Variants in FN3KRP observed in about 807,000 individuals in gnomAD.
The protein encoded by FN3KRP is fructosamine 3 kinase related protein.
In FN3KRP, 33 loss-of-function variants were observed where a neutral mutation model predicts 29.8. The ratio of observed to expected loss-of-function variants is 1.11; its 90% confidence interval spans 0.84 to 1.48. The LOEUF is 1.48. Among genes scored for constraint, FN3KRP ranks in the 40% most tolerant of loss-of-function variants. FN3KRP has a pLI of 0.00. For missense variants in FN3KRP, 430 were observed against 402.6 expected, an observed-to-expected ratio of 1.07 and a Z score of -0.58; for synonymous variants, 157 against 155.2, an observed-to-expected ratio of 1.01 and a Z score of -0.09.
chr17:82,718,359 G>A (rs765421616), intron 1 of FN3KRP: 7 of 971,698 alleles, frequency 7.2e-6, no homozygotes, highest in Non-Finnish European at 8.6e-6. Flanking sequence ...TGTGGTCCCG[G>A]GGAGTTGGAT....
Position 82,720,337 on chromosome 17 carries a change from T to TG in FN3KRP, c.360dup (p.Arg121AlafsTer26). The TG allele has an allele frequency of 6.2e-7, 1 of 1,613,816 alleles. No homozygotes were observed. The highest frequency in any genetic ancestry group is 8.5e-7 in the Non-Finnish European group (1 of 1,179,970). On this transcript the variant is annotated frameshift_variant, in exon 3 of 6. Coordinates refer to ENST00000269373, the MANE Select transcript of FN3KRP (RefSeq NM_024619.4). LOFTEE classifies it high-confidence loss of function. ...CTTGATAACAAGAAGCTTGGAGAGA[T>TG]GCGCCTGAAGGAGGCGGGCACAGTG...
In FN3KRP at chr17:82,727,967, A is replaced by G. The variant is rs1485143561; in HGVS notation, c.*796A>G. 6.6e-6 allele frequency: 1 copy of G among 152,244 alleles called. No individual in the cohort carries two copies. The highest frequency in any genetic ancestry group is 2.4e-5 in the African/African-American group (1 of 41,468). The allele number at this position is 152,244 out of a possible 1,614,324, so 9.4% of individuals were successfully genotyped here. A position where few individuals can be genotyped will look rare whatever the true frequency, so the allele number is the denominator to read the frequency against. On this transcript the variant is annotated 3_prime_UTR_variant, in exon 6 of 6. Transcript: ENST00000269373. ...TTTCATGAATGGCATTGATGCTAAT[A>G]AATCCTTTGCACAAAAATTTGAATA... is the stretch of plus-strand genomic sequence containing the variant.
chr17:82,726,528 A>G lies in FN3KRP; in HGVS notation c.517A>G (p.Ile173Val), dbSNP rs1833191709. 3 of 1,614,042 alleles carry G rather than the reference A, an allele frequency of 1.9e-6. No individual in the cohort carries two copies. The highest frequency in any genetic ancestry group is 2.2e-5 in the East Asian group (1 of 44,888). Residue 173 changes from isoleucine (I) to valine (V), a missense_variant, in exon 5 of 6, where the codon ATT (isoleucine) becomes GTT (valine). Transcript: ENST00000269373. The stretch of plus-strand genomic sequence containing the variant: ...GGTCGTGTTCTATGCCCGGCAGCGC[A>G]TTCAGCCCCAGATGGACATGGTGGA... ...DWVVFYARQRIQPQMDMVEKE... is the reference protein window; with the variant it reads ...DWVVFYARQRVQPQMDMVEKE...
chr17:82,718,449 A>G, intron 1 of FN3KRP: 1 of 988,630 alleles, frequency 1.0e-6, no homozygotes, highest in African/African-American at 1.7e-5. Context: ...TTCAGGTGAA[A>G]AGTGACCCCA....
chr17:82,725,320 A>G (rs2046829407), intron 4 of FN3KRP, among the ~76,000 whole-genome samples: 1 of 151,786 alleles, frequency 6.6e-6, no homozygotes, highest in South Asian at 2.1e-4. Context: ...TTGTAGAGAC[A>G]GGGGTCTCAC....
intron 1 of FN3KRP, chr17:82,718,315 G>A: frequency 1.9e-6 from 1 of 518,348 alleles, no homozygotes; most frequent in African/African-American, 8.8e-5. Context: ...TCACTGCTGT[G>A]TGGTGAGCCA....
chr17:82,720,483 C>G, intron 3 of FN3KRP, 120 bp downstream of exon 3: 1 of 684,926 alleles, frequency 1.5e-6, no homozygotes, highest in Non-Finnish European at 2.4e-6. Context: ...GATGGCAGAG[C>G]AAGGGAATGT....
intron 3 of FN3KRP, among the ~76,000 whole-genome samples, chr17:82,720,565 T>C (rs2046791865): frequency 6.6e-6 from 1 of 152,156 alleles, no homozygotes; most frequent in Non-Finnish European, 1.5e-5. Flanking sequence ...CTAAATGCAT[T>C]TGAAAGATGA....
chr17:82,718,410 C>A (rs1324145592), intron 1 of FN3KRP: 7 of 987,508 alleles, frequency 7.1e-6, no homozygotes, highest in Non-Finnish European at 8.4e-6. Flanking sequence ...CAGTGCTGGG[C>A]AGGAGGTGGC....
rs765305815 is a variant in FN3KRP, at chr17:82,716,816, G to A, written c.61G>A (p.Gly21Arg). ...CSSVRATGHS[G>R]GGCISQGRSY... ...CTCTGTCAGGGCCACGGGCCACTCG[G>A]GGGGCGGGTGCATCAGCCAGGGCCG... Residue 21 changes from glycine to arginine, a missense_variant, in exon 1 of 6, where the codon GGG (glycine) becomes AGG (arginine). Transcript: ENST00000269373. 2 of 1,554,644 alleles carry A rather than the reference G, an allele frequency of 1.3e-6. No individual in the cohort carries two copies. Among genetic ancestry groups the A allele is most frequent in the Non-Finnish European group, 1.7e-6 (2 of 1,156,234 alleles).
intron 4 of FN3KRP, among the ~76,000 whole-genome samples, chr17:82,723,760 T>G (rs141763853): frequency 2.6e-4 from 39 of 151,972 alleles, no homozygotes; most frequent in East Asian, 2.0e-3. Context: ...GTGTCTGTCT[T>G]GCTTCCCTCC....
Position 82,716,790 on chromosome 17 carries a change from GCT to G in FN3KRP, c.38_39del (p.Ser13CysfsTer40). 1 of 1,544,522 alleles carries G rather than the reference GCT, an allele frequency of 6.5e-7. No individual in the cohort carries two copies. Among genetic ancestry groups the G allele is most frequent in the Non-Finnish European group, 8.7e-7 (1 of 1,152,646 alleles). On this transcript the variant is annotated frameshift_variant, in exon 1 of 6. Coordinates refer to ENST00000269373, the MANE Select transcript of FN3KRP (RefSeq NM_024619.4). LOFTEE classifies it high-confidence loss of function. ...CTCCTGAGGCGCGAGCTGGGCTGCA[GCT>G]CTGTCAGGGCCACGGGCCACTCGGG...
Position 82,716,806 on chromosome 17 carries a change from G to C in FN3KRP, c.51G>C (p.Thr17=), listed in dbSNP as rs747135475. Residue 17 remains threonine (T), a synonymous_variant, in exon 1 of 6, where the codon ACG becomes ACC. Coordinates refer to ENST00000269373, the MANE Select transcript of FN3KRP (RefSeq NM_024619.4). ...TGGGCTGCAGCTCTGTCAGGGCCAC[G>C]GGCCACTCGGGGGGCGGGTGCATCA... ...RELGCSSVRA[T]GHSGGGCISQ... The C allele has an allele frequency of 6.4e-7, 1 of 1,551,540 alleles. No homozygotes were observed. The highest frequency in any genetic ancestry group is 1.4e-5 in the African/African-American group (1 of 70,082).
chr17:82,718,263 G>A (rs768445287), intron 1 of FN3KRP, among the ~76,000 whole-genome samples: 2 of 152,160 alleles, frequency 1.3e-5, no homozygotes, highest in African/African-American at 4.8e-5. Flanking sequence ...TGTGTAGCAG[G>A]AGGAAAGGAA....
chr17:82,719,023 G>T lies in FN3KRP; in HGVS notation c.259G>T (p.Val87Leu), dbSNP rs111421598. ...TGCCCCAGGCGGCGGGAGCGTGCTG[G>T]TGATGGAGCACATGGACATGAGGCA... ...LDAPGGGSVL[V>L]MEHMDMRHLS... Residue 87 changes from valine (V) to leucine (L), a missense_variant, in exon 2 of 6, where the codon GTG becomes TTG. Val to Leu is a conservative substitution (Grantham distance 32). Transcript: ENST00000269373. The T allele has an allele frequency of 8.7e-6, 14 of 1,614,112 alleles. No individual in the cohort carries two copies. In the African/African-American group the frequency reaches 1.3e-4, roughly 15 times the overall value.
intron 1 of FN3KRP, among the ~76,000 whole-genome samples, chr17:82,717,616 G>A (rs962661540): frequency 6.6e-6 from 1 of 152,224 alleles, no homozygotes; most frequent in African/African-American, 2.4e-5. Context: ...CTACTCGGGA[G>A]GCTGAGGCAG....
chr17:82,727,199 A>G lies in FN3KRP; in HGVS notation c.*28A>G. On this transcript the variant is annotated 3_prime_UTR_variant, in exon 6 of 6. Transcript: ENST00000269373. ...GGGCCTTACTCTGGAAGGAGGCCTC[A>G]GAGGTTTCTCCACAGTCCTCTTCTG... 6.3e-7 allele frequency: 1 copy of G among 1,597,880 alleles called. No homozygotes were observed. Among genetic ancestry groups the G allele is most frequent in the Non-Finnish European group, 8.6e-7 (1 of 1,169,320 alleles).
Position 82,717,858 on chromosome 17 carries a change from GTCTA to G in FN3KRP, c.141+964_141+967del, listed in dbSNP as rs1429958197. ...TCAGGAGCACGAGGAGAGTGTGTGT[GTCTA>G]TGTGTATGTTGTGTGTGTGTACGTT... On this transcript the variant is annotated intron_variant, in intron 1 of 5. Coordinates refer to ENST00000269373, the MANE Select transcript of FN3KRP (RefSeq NM_024619.4). 3.9e-5 allele frequency among the ~76,000 whole-genome samples: 6 copies of G among 152,310 alleles called. No homozygotes were observed. The South Asian group carries it at 6.2e-4, about 16-fold the overall frequency.
At chr17:82,720,199 C>T (rs2046788652) in intron 2 of FN3KRP, 73 bp from the exon 3 acceptor site, 3 of 1,244,720 alleles carry the variant, frequency 2.4e-6, no homozygotes, top group African/African-American at 1.5e-5. Context: ...TCTTTATGTG[C>T]CCTGAGACTG....
Sources: allele counts gnomAD v4.1 joint callset (sites outside exome capture counted in the v4.1 genomes callset), GRCh38; gene constraint gnomAD v4.1.1; transcripts MANE v1.5; gene names NCBI Gene and HGNC (gene_info 2026-07-23, HGNC 2026-07-21).